Variants in VAMP4 observed in about 807,000 individuals in gnomAD.
VAMP4 encodes vesicle-associated membrane protein 4.
A neutral mutation model predicts 23.5 loss-of-function variants in VAMP4; 19 were observed. The observed-to-expected ratio is 0.81, with a 90% CI of 0.56 to 1.19. The LOEUF (loss-of-function observed/expected upper bound fraction) is 1.19. Ranked by LOEUF, VAMP4 falls within the 50% of genes most tolerant of loss-of-function variation. VAMP4 has a pLI of 0.00. For missense variants in VAMP4, 145 were observed against 168.6 expected (o/e 0.86, Z 0.78); for synonymous variants, 31 against 51.0 (o/e 0.61, Z 1.67).
At chr1:171,713,062 T>A (rs1245243060) in intron 4 of VAMP4, among the ~76,000 whole-genome samples, 1 of 152,244 alleles carries the variant, frequency 6.6e-6, no homozygotes, top group African/African-American at 2.4e-5. Context: ...TGACCTTGCC[T>A]ATTTTGTTCA....
Position 171,709,152 on chromosome 1 carries a change from T to C in VAMP4, c.345+513A>G, listed in dbSNP as rs575777888. 5.3e-5 allele frequency among the ~76,000 whole-genome samples: 8 copies of C among 152,250 alleles called. No homozygotes were observed. The South Asian group carries it at 1.5e-3, about 28-fold the overall frequency. On this transcript the variant is annotated intron_variant, in intron 6 of 7. Transcript: ENST00000236192. The stretch of plus-strand genomic sequence containing the variant: ...ATTCCAATGTTTACCTTGTTAAAAA[T>C]GGTAAAAATTTCTTTTACTTTTTAT...
intron 6 of VAMP4, among the ~76,000 whole-genome samples, chr1:171,709,204 G>C (rs1359951801): frequency 6.6e-6 from 1 of 151,922 alleles, no homozygotes; most frequent in Non-Finnish European, 1.5e-5. Context: ...GGGAAGTGGA[G>C]TTTTTTCTTA....
At chr1:171,739,044 C>T (rs1384121940) in intron 1 of VAMP4, among the ~76,000 whole-genome samples, 3 of 152,180 alleles carry the variant, frequency 2.0e-5, no homozygotes, top group African/African-American at 4.8e-5. Flanking sequence ...TGGTCTTAAT[C>T]CCCATTTCCT....
intron 4 of VAMP4, among the ~76,000 whole-genome samples, chr1:171,715,563 GATA>G (rs1309570444): frequency 6.6e-6 from 1 of 152,186 alleles, no homozygotes; most frequent in African/African-American, 2.4e-5. Flanking sequence ...AAATGCAGCT[GATA>G]ATCTCTACTT....
intron 2 of VAMP4, 118 bp downstream of exon 2, chr1:171,738,231 G>T: frequency 2.8e-6 from 3 of 1,067,476 alleles, no homozygotes; most frequent in Non-Finnish European, 2.7e-6. Context: ...AGCGTCCCAA[G>T]TGCGGCGATT....
chr1:171,732,829 T>C (rs556689676), intron 2 of VAMP4, among the ~76,000 whole-genome samples: 2 of 152,146 alleles, frequency 1.3e-5, no homozygotes, highest in Admixed American at 6.5e-5. Context: ...TTTGATTATA[T>C]AAAAATTTAA....
chr1:171,738,634 C>T (rs866937043), intron 1 of VAMP4, among the ~76,000 whole-genome samples, 171 bp from the exon 2 acceptor site: 9 of 152,164 alleles, frequency 5.9e-5, no homozygotes, highest in African/African-American at 2.2e-4. Context: ...TGCTAGACCT[C>T]AACACCTAAG....
At chr1:171,728,430 C>A in intron 3 of VAMP4, 94 bp downstream of exon 3, 2 of 1,049,914 alleles carry the variant, frequency 1.9e-6, no homozygotes, top group Non-Finnish European at 2.7e-6. Flanking sequence ...AGGGAGACTA[C>A]TGCATATCTG....
chr1:171,720,508 A>G (rs1249089525), intron 3 of VAMP4, among the ~76,000 whole-genome samples: 1 of 151,642 alleles, frequency 6.6e-6, no homozygotes, highest in East Asian at 2.0e-4. Context: ...GAAAAAAAGA[A>G]AGAAGGCATA....
At position 171,704,316 on chromosome 1, in the gene VAMP4, A is replaced by C; in HGVS notation, c.*190T>G. 2.5e-6 allele frequency: 1 copy of C among 395,152 alleles called. No homozygotes were observed. Among genetic ancestry groups the C allele is most frequent in the Non-Finnish European group, 4.6e-6 (1 of 217,788 alleles). The allele number at this position is 395,152 out of a possible 1,614,324, so 24.5% of individuals were successfully genotyped here. On this transcript the variant is annotated 3_prime_UTR_variant, in exon 8 of 8. Coordinates refer to ENST00000236192, the MANE Select transcript of VAMP4 (RefSeq NM_003762.5). The stretch of plus-strand genomic sequence containing the variant: ...CTCTTTGCCTTAAACATAATTATTA[A>C]AAGAACATTTTGTTAGAAAGGGAGA...
chr1:171,706,843 G>T (rs1232315969), intron 6 of VAMP4, among the ~76,000 whole-genome samples: 1 of 152,082 alleles, frequency 6.6e-6, no homozygotes, highest in East Asian at 1.9e-4. Context: ...AATCATAGAG[G>T]TTCAGTTTAT....
At chr1:171,730,238 C>A (rs1042700184) in intron 2 of VAMP4, among the ~76,000 whole-genome samples, 2 of 152,152 alleles carry the variant, frequency 1.3e-5, no homozygotes, top group Non-Finnish European at 2.9e-5. Context: ...GAAACTAATA[C>A]ACTACCCATG....
At chr1:171,713,438 C>T (rs1434636074) in intron 4 of VAMP4, among the ~76,000 whole-genome samples, 1 of 149,734 alleles carries the variant, frequency 6.7e-6, no homozygotes, top group African/African-American at 2.6e-5. Context: ...ACTATACGTA[C>T]TCTTAGACGA....
chr1:171,716,885 A>T (rs1655036628), intron 4 of VAMP4, among the ~76,000 whole-genome samples: 1 of 152,198 alleles, frequency 6.6e-6, no homozygotes. Context: ...GAACGACCTT[A>T]TTCTAACTAA....
At chr1:171,710,526 C>A (rs1654817209) in intron 5 of VAMP4, among the ~76,000 whole-genome samples, 188 bp downstream of exon 5, 3 of 151,872 alleles carry the variant, frequency 2.0e-5, no homozygotes, top group Admixed American at 2.0e-4. Flanking sequence ...CTCCACTGAA[C>A]AATTAAAAAA....
At chr1:171,718,600 A>G (rs1572245183) in intron 4 of VAMP4, among the ~76,000 whole-genome samples, 1 of 152,336 alleles carries the variant, frequency 6.6e-6, no homozygotes, top group East Asian at 1.9e-4. Context: ...AGTTCAATAT[A>G]TGGGTTATGA....
intron 3 of VAMP4, among the ~76,000 whole-genome samples, chr1:171,726,781 CA>C (rs1197157180): frequency 1.3e-5 from 2 of 151,414 alleles, no homozygotes; most frequent in African/African-American, 4.9e-5. Context: ...AAAAAAATAG[CA>C]AAAACAATAG....
intron 2 of VAMP4, among the ~76,000 whole-genome samples, chr1:171,737,190 G>C (rs1655771828): frequency 6.6e-6 from 1 of 152,190 alleles, no homozygotes. Flanking sequence ...CAAGGGCACA[G>C]ACTATGTCTT....
intron 6 of VAMP4, among the ~76,000 whole-genome samples, chr1:171,707,177 A>G (rs1654686211): frequency 6.6e-6 from 1 of 152,126 alleles, no homozygotes; most frequent in Non-Finnish European, 1.5e-5. Context: ...TAAACATATA[A>G]GAGTTTCACA....
Sources: allele counts gnomAD v4.1 joint callset (sites outside exome capture counted in the v4.1 genomes callset), GRCh38; gene constraint gnomAD v4.1.1; transcripts MANE v1.5; gene names NCBI Gene and HGNC (gene_info 2026-07-23, HGNC 2026-07-21).